ST7: variants seen among roughly 807,000 people sequenced by gnomAD.
ST7 encodes the protein suppression of tumorigenicity 7.
A neutral mutation model predicts 78.7 loss-of-function variants in ST7; 28 were observed. The observed-to-expected ratio is 0.36, with a 90% CI of 0.26 to 0.49. The LOEUF (loss-of-function observed/expected upper bound fraction) is 0.49, where lower values mean the gene tolerates loss of function less well. Among genes scored for constraint, ST7 ranks in the 20% least tolerant of loss-of-function variants. The probability of loss-of-function intolerance (pLI) is 0.99; values close to 1 mark genes in which losing one functional copy is unlikely to be tolerated. For synonymous variants in ST7, 247 were observed against 249.6 expected (o/e 0.99, Z 0.10); for missense variants, 418 against 696.0 (o/e 0.60, Z 4.49).
chr7:117,171,061 A>G, intron 10 of ST7, 85 bp downstream of exon 10: 1 of 744,282 alleles, frequency 1.3e-6, no homozygotes, highest in Non-Finnish European at 2.1e-6. Flanking sequence ...CATTTCAAAT[A>G]GCACAGCACT....
intron 1 of ST7, among the ~76,000 whole-genome samples, chr7:117,018,749 A>T (rs1291318361): frequency 1.3e-5 from 2 of 152,214 alleles, no homozygotes; most frequent in Non-Finnish European, 2.9e-5. Context: ...TGAAGATTAA[A>T]TGGGTTTATA....
At chr7:117,194,719 T>C (rs16870067) in intron 12 of ST7, among the ~76,000 whole-genome samples, 8,392 of 152,256 alleles carry the variant, frequency 0.055, 792 homozygotes, top group African/African-American at 0.19. Flanking sequence ...TTCATCTTTG[T>C]ATTGTTACAG....
At chr7:117,102,084 G>A (rs189733669) in intron 2 of ST7, among the ~76,000 whole-genome samples, 1 of 152,328 alleles carries the variant, frequency 6.6e-6, no homozygotes, top group Non-Finnish European at 1.5e-5. Flanking sequence ...TATAAAGCTG[G>A]TCACTAATTT....
At chr7:117,099,711 A>G in intron 1 of ST7, 51 bp from the exon 2 acceptor site, 1 of 1,336,472 alleles carries the variant, frequency 7.5e-7, no homozygotes, top group Non-Finnish European at 1.1e-6. Flanking sequence ...TTTTACTGAC[A>G]TACTCATACA....
chr7:116,972,157 T>G, intron 1 of ST7: 1 of 555,998 alleles, frequency 1.8e-6, no homozygotes, highest in Non-Finnish European at 3.5e-6. Flanking sequence ...AGGGTGGGAC[T>G]GGGCTTTCTA....
At chr7:117,120,082 C>A (rs1303291410) in intron 3 of ST7, among the ~76,000 whole-genome samples, 2 of 152,026 alleles carry the variant, frequency 1.3e-5, no homozygotes, top group African/African-American at 4.8e-5. Flanking sequence ...AGGTGTGCAC[C>A]ACCATGCCTG....
At chr7:117,096,067 C>CAAAAAAAAAAAA (rs35970973) in intron 1 of ST7, among the ~76,000 whole-genome samples, 1 of 35,708 alleles carries the variant, frequency 2.8e-5, no homozygotes. Flanking sequence ...GATTCTGCCT[C>CAAAAAAAAAAAA]AAAAAAAAAA....
chr7:117,109,699 G>A (rs1802271350), intron 2 of ST7, among the ~76,000 whole-genome samples: 1 of 152,128 alleles, frequency 6.6e-6, no homozygotes, highest in South Asian at 2.1e-4. Flanking sequence ...TGTGAAGCCA[G>A]TATCACCCTA....
At chr7:116,962,793 C>T (rs181406111) in intron 1 of ST7, among the ~76,000 whole-genome samples, 1 of 152,126 alleles carries the variant, frequency 6.6e-6, no homozygotes, top group Non-Finnish European at 1.5e-5. Flanking sequence ...AATTATGTGA[C>T]TCTGGGGTTT....
intron 9 of ST7, among the ~76,000 whole-genome samples, chr7:117,151,914 A>G (rs374259480): frequency 1.3e-5 from 2 of 151,840 alleles, no homozygotes; most frequent in East Asian, 3.9e-4. Context: ...GAGGTCAGGC[A>G]TTTGAGACCA....
chr7:117,128,946 C>T (rs1032010606), intron 3 of ST7, among the ~76,000 whole-genome samples: 2 of 151,772 alleles, frequency 1.3e-5, no homozygotes, highest in Admixed American at 6.6e-5. Flanking sequence ...ATAATAAAAT[C>T]TTATTCATCC....
At chr7:116,968,482 C>T (rs771919083) in intron 1 of ST7, 8 of 445,842 alleles carry the variant, frequency 1.8e-5, no homozygotes, top group Non-Finnish European at 2.3e-5. Context: ...ATTTCGACTA[C>T]GGGTGTGCGC....
intron 9 of ST7, among the ~76,000 whole-genome samples, chr7:117,153,117 T>C (rs1806421041): frequency 6.6e-6 from 1 of 152,088 alleles, no homozygotes; most frequent in Non-Finnish European, 1.5e-5. Context: ...GTGGTTGGTG[T>C]TGTATGAGGA....
chr7:117,142,586 T>C (rs1805412606), intron 9 of ST7, among the ~76,000 whole-genome samples: 1 of 151,934 alleles, frequency 6.6e-6, no homozygotes, highest in Non-Finnish European at 1.5e-5. Flanking sequence ...AGTAGATCTG[T>C]TTCAGGGCTG....
In ST7 at chr7:117,006,050, CTG is replaced by C. The variant is rs1343944260; in HGVS notation, c.151+52362_151+52363del. On this transcript the variant is annotated intron_variant, in intron 1 of 15. Coordinates refer to ENST00000323984, the MANE Select transcript of ST7 (RefSeq NM_001369598.1). ...CCTCATAGCAACTCATAGCTCATGT[CTG>C]TGAAAACTGAGGCACAGAGTTGCCT... Among the ~76,000 whole-genome samples the C allele has an allele frequency of 2.0e-5, 3 of 152,292 alleles. No individual in the cohort carries two copies. In the East Asian group the frequency reaches 5.8e-4, roughly 29 times the overall value.
intron 9 of ST7, among the ~76,000 whole-genome samples, chr7:117,152,060 A>C (rs1203867617): frequency 2.0e-5 from 3 of 150,744 alleles, no homozygotes; most frequent in African/African-American, 7.3e-5. Context: ...CAGAGGTTGC[A>C]GTGAGCCGAG....
chr7:117,201,878 C>T (rs1810890878), intron 12 of ST7, among the ~76,000 whole-genome samples: 1 of 152,200 alleles, frequency 6.6e-6, no homozygotes, highest in Non-Finnish European at 1.5e-5. Context: ...GCACTCTCCT[C>T]CTACTCCTTT....
At chr7:117,056,282 T>C (rs751667147) in intron 1 of ST7, among the ~76,000 whole-genome samples, 1 of 152,154 alleles carries the variant, frequency 6.6e-6, no homozygotes, top group Non-Finnish European at 1.5e-5. Flanking sequence ...AAAGGGTTTT[T>C]GTGCAGTGCT....
intron 1 of ST7, among the ~76,000 whole-genome samples, chr7:117,092,858 G>A (rs1036983907): frequency 6.6e-6 from 1 of 152,124 alleles, no homozygotes; most frequent in Non-Finnish European, 1.5e-5. Flanking sequence ...CCCAGTCTTC[G>A]GGCCTGGAAG....
Sources: allele counts gnomAD v4.1 joint callset (sites outside exome capture counted in the v4.1 genomes callset), GRCh38; gene constraint gnomAD v4.1.1; transcripts MANE v1.5; gene names NCBI Gene and HGNC (gene_info 2026-07-23, HGNC 2026-07-21).